The following KCNC2 variants were observed in gnomAD, a reference collection of about 807,000 sequenced individuals.
The protein encoded by KCNC2 is potassium voltage-gated channel subfamily C member 2.
A neutral mutation model predicts 44.5 loss-of-function variants in KCNC2; 21 were observed. The observed-to-expected ratio is 0.47, with a 90% confidence interval of 0.33 to 0.68. The LOEUF (loss-of-function observed/expected upper bound fraction) is 0.68. Among genes scored for constraint, KCNC2 ranks in the 30% least tolerant of loss-of-function variants. KCNC2 has a pLI of 0.01. For missense variants in KCNC2, 589 were observed against 826.2 expected, an observed-to-expected ratio of 0.71 and a Z score of 3.52; for synonymous variants, 391 against 339.1, an observed-to-expected ratio of 1.15 and a Z score of -1.68.
chr12:75,049,216 T>A (rs1020792601), intron 3 of KCNC2, among the ~76,000 whole-genome samples: 2 of 152,150 alleles, frequency 1.3e-5, no homozygotes, highest in East Asian at 3.9e-4. Flanking sequence ...CCAGCCACAT[T>A]GTTTTTTCCA....
At chr12:75,134,446 A>G (rs1889083546) in intron 2 of KCNC2, among the ~76,000 whole-genome samples, 1 of 151,950 alleles carries the variant, frequency 6.6e-6, no homozygotes, top group South Asian at 2.1e-4. Flanking sequence ...TTGAACAGAA[A>G]TTATTATTTT....
chr12:75,095,297 ATGGG>A (rs1327411210), intron 2 of KCNC2, among the ~76,000 whole-genome samples: 2 of 151,740 alleles, frequency 1.3e-5, no homozygotes, highest in Non-Finnish European at 3.0e-5. Flanking sequence ...GATCAAATTC[ATGGG>A]TTTAGTTGCA....
chr12:75,191,219 T>G (rs2030176402), intron 2 of KCNC2, among the ~76,000 whole-genome samples: 1 of 151,850 alleles, frequency 6.6e-6, no homozygotes, highest in Admixed American at 6.6e-5. Context: ...GAAAAGGTAC[T>G]ATGTTCTTGC....
At chr12:75,164,758 T>C (rs1405386316) in intron 2 of KCNC2, among the ~76,000 whole-genome samples, 1 of 151,746 alleles carries the variant, frequency 6.6e-6, no homozygotes, top group Non-Finnish European at 1.5e-5. Flanking sequence ...AATGGAAAGG[T>C]ACCTGGAGTT....
At chr12:75,064,674 A>G (rs1408914732) in intron 2 of KCNC2, among the ~76,000 whole-genome samples, 1 of 152,054 alleles carries the variant, frequency 6.6e-6, no homozygotes, top group Non-Finnish European at 1.5e-5. Flanking sequence ...AATGTTTTTA[A>G]CAAGAATGGA....
At chr12:75,069,140 T>TTTTTTTTTG in intron 2 of KCNC2, among the ~76,000 whole-genome samples, 1 of 121,114 alleles carries the variant, frequency 8.3e-6, no homozygotes, top group African/African-American at 3.0e-5. Flanking sequence ...TTTTTTTTTT[T>TTTTTTTTTG]TTTTTTTTTT....
chr12:75,072,279 G>A (rs1369587576), intron 2 of KCNC2, among the ~76,000 whole-genome samples: 29 of 152,080 alleles, frequency 1.9e-4, no homozygotes, highest in Admixed American at 1.6e-3. Context: ...TGAGCACTGT[G>A]TGAAGACAAA....
chr12:75,186,048 A>AAAATAAATAAATAAAT (rs371301482), intron 2 of KCNC2, among the ~76,000 whole-genome samples: 1 of 142,964 alleles, frequency 7.0e-6, no homozygotes, highest in Admixed American at 7.0e-5. Flanking sequence ...CTCTGTCTCA[A>AAAATAAATAAATAAAT]AAATAAATAA....
intron 2 of KCNC2, among the ~76,000 whole-genome samples, chr12:75,205,489 G>T (rs750889482): frequency 6.6e-6 from 1 of 152,156 alleles, no homozygotes; most frequent in Admixed American, 6.5e-5. Flanking sequence ...TCAAGTCAAT[G>T]GTTTATCCTT....
intron 4 of KCNC2, chr12:75,043,926 C>T: frequency 1.7e-6 from 1 of 583,420 alleles, no homozygotes; most frequent in Non-Finnish European, 2.8e-6. Flanking sequence ...AGCTGATTTC[C>T]ACCCCCGACC....
chr12:75,161,693 G>A (rs779035269), intron 2 of KCNC2, among the ~76,000 whole-genome samples: 18 of 151,546 alleles, frequency 1.2e-4, no homozygotes, highest in African/African-American at 3.6e-4. Context: ...AGAAAATGTC[G>A]TCTGCATACA....
At chr12:75,149,044 A>G (rs999277978) in intron 2 of KCNC2, among the ~76,000 whole-genome samples, 1 of 151,780 alleles carries the variant, frequency 6.6e-6, no homozygotes, top group Non-Finnish European at 1.5e-5. Context: ...AACTGATATC[A>G]TCTTATCACT....
At chr12:75,044,958 CAAGTAATTTGTCCCTAAATAGA>C (rs760913126) in intron 4 of KCNC2, among the ~76,000 whole-genome samples, 15 of 151,866 alleles carry the variant, frequency 9.9e-5, no homozygotes, top group Non-Finnish European at 1.8e-4. Flanking sequence ...TTAAGAATTG[CAAGTAATTTGTCCCTAAATAGA>C]AATTTTCACA....
intron 2 of KCNC2, among the ~76,000 whole-genome samples, chr12:75,110,711 T>C (rs1887164789): frequency 6.6e-6 from 1 of 152,138 alleles, no homozygotes; most frequent in African/African-American, 2.4e-5. Flanking sequence ...TTTGGAAGTC[T>C]TTTCAATGTA....
Position 75,043,205 on chromosome 12 carries a change from C to G in KCNC2, c.1817G>C (p.Gly606Ala). 1 of 1,612,320 alleles carries G rather than the reference C, an allele frequency of 6.2e-7. No individual in the cohort carries two copies. The highest frequency in any genetic ancestry group is 1.1e-5 in the South Asian group (1 of 91,054). Residue 606 changes from glycine to alanine, a missense_variant, in exon 5 of 5, where the codon GGC (glycine) becomes GCC (alanine). By Grantham distance (60) the Gly-to-Ala change is moderately conservative (BLOSUM62 0). Coordinates refer to ENST00000549446, the MANE Select transcript of KCNC2 (RefSeq NM_139137.4). The part of the protein sequence containing the change: ...EKSRSLNNIA[G>A]LAGNALRLSP... ...GAGCCTCAGAGCATTGCCTGCCAAG[C>G]CCGCTATGTTGTTTAAGCTTCGGGA...
chr12:75,080,258 A>C (rs768460504), intron 2 of KCNC2, among the ~76,000 whole-genome samples: 5 of 143,486 alleles, frequency 3.5e-5, no homozygotes, highest in Admixed American at 2.9e-4. Context: ...AAATAGGTGC[A>C]CTGCTCAAAT....
Position 75,079,139 on chromosome 12 carries a change from G to A in KCNC2, c.688-27822C>T, listed in dbSNP as rs139546460. Among the ~76,000 whole-genome samples the A allele has an allele frequency of 5.3e-3, 803 of 152,220 alleles. 5 individuals carry two copies. Among genetic ancestry groups the A allele is most frequent in the African/African-American group, 0.018 (734 of 41,562 alleles). ...ACTACCAAATGGGGTATGCATCTTA[G>A]AAGAAAATTTTGTGGTGTTATTAGT... On this transcript the variant is annotated intron_variant, in intron 2 of 4. Coordinates refer to ENST00000549446, the MANE Select transcript of KCNC2 (RefSeq NM_139137.4).
intron 2 of KCNC2, among the ~76,000 whole-genome samples, chr12:75,182,494 C>G (rs1166201516): frequency 7.1e-6 from 1 of 140,424 alleles, no homozygotes; most frequent in Non-Finnish European, 1.5e-5. Context: ...GCACTCTAGC[C>G]TGGGCGACAG....
chr12:75,041,691 A>G lies in KCNC2; in HGVS notation c.*1414T>C. 1 of 996,474 alleles carries G rather than the reference A, an allele frequency of 1.0e-6. No homozygotes were observed. The highest frequency in any genetic ancestry group is 1.2e-6 in the Non-Finnish European group (1 of 835,922). The allele number at this position is 996,474 out of a possible 1,614,324, so 61.7% of individuals were successfully genotyped here. ...AGTGTAGTAATGAATGCTGGTTGCT[A>G]GGTAGTAGAAACTGACACTGCAGCA... On this transcript the variant is annotated 3_prime_UTR_variant, in exon 5 of 5. Transcript: ENST00000549446.
Sources: gnomAD v4.1 joint callset for allele counts (sites outside exome capture counted in the v4.1 genomes callset) on GRCh38, gnomAD v4.1.1 for gene constraint, MANE v1.5 for transcripts, NCBI Gene and HGNC (gene_info 2026-07-23, HGNC 2026-07-21) for gene names.